The following TMEM132D variants were observed in gnomAD, a reference collection of about 807,000 sequenced individuals.
The protein encoded by TMEM132D is transmembrane protein 132D, also known as mature OL transmembrane protein.
TMEM132D carries 21 observed loss-of-function variants against 62.3 expected under a neutral mutation model. That is an observed-to-expected ratio of 0.34 (90% CI 0.24 to 0.49). TMEM132D has a LOEUF of 0.49. TMEM132D is among the 20% of genes least tolerant of loss of function. The probability of loss-of-function intolerance (pLI) is 0.99; values close to 1 mark genes in which losing one functional copy is unlikely to be tolerated. For missense variants in TMEM132D, 1,346 were observed against 1,402.8 expected, an observed-to-expected ratio of 0.96 and a Z score of 0.65; for synonymous variants, 621 against 575.6, an observed-to-expected ratio of 1.08 and a Z score of -1.13.
intron 3 of TMEM132D, among the ~76,000 whole-genome samples, chr12:129,459,628 G>A (rs766809566): frequency 7.2e-5 from 11 of 152,174 alleles, no homozygotes; most frequent in Non-Finnish European, 1.2e-4. Flanking sequence ...TTTAAGGGAT[G>A]TAAATATTTG....
intron 4 of TMEM132D, among the ~76,000 whole-genome samples, chr12:129,253,756 G>C (rs1330940592): frequency 6.6e-6 from 1 of 152,090 alleles, no homozygotes. Flanking sequence ...CATGGGGAGG[G>C]ACCTACTTTC....
intron 5 of TMEM132D, among the ~76,000 whole-genome samples, chr12:129,191,290 A>T (rs77484128): frequency 0.12 from 8,466 of 72,178 alleles, 321 homozygotes; most frequent in African/African-American, 0.21. Context: ...GAAGGGAAAT[A>T]GGACACACAC....
In TMEM132D at chr12:129,674,023, C is replaced by T. The variant is rs141719890; in HGVS notation, c.968+25787G>A. ...CCCCGCTGACAGTTTGCAGATGACA[C>T]ATGAAGACTGAAATCAGTGCCTCCC... On this transcript the variant is annotated intron_variant, in intron 2 of 8. Coordinates refer to ENST00000422113, the MANE Select transcript of TMEM132D (RefSeq NM_133448.3). Among the ~76,000 whole-genome samples the T allele has an allele frequency of 3.2e-3, 486 of 152,298 alleles. 4 individuals are homozygous for T. Among genetic ancestry groups the T allele is most frequent in the African/African-American group, 0.011 (462 of 41,574 alleles).
intron 5 of TMEM132D, among the ~76,000 whole-genome samples, chr12:129,177,592 T>C (rs568522881): frequency 6.6e-6 from 1 of 152,174 alleles, no homozygotes; most frequent in Admixed American, 6.5e-5. Context: ...ACCCCATCTC[T>C]ACAAAAAATG....
chr12:129,779,282 T>G lies in TMEM132D; in HGVS notation c.80-78584A>C, dbSNP rs918195826. On this transcript the variant is annotated intron_variant, in intron 1 of 8. Coordinates refer to ENST00000422113, the MANE Select transcript of TMEM132D (RefSeq NM_133448.3). This position sits in a 1 kb window ranked among gnomAD's most constrained non-coding sequence, Gnocchi z 4.1. The stretch of plus-strand genomic sequence containing the variant: ...ATGAAGCTTTTATTCCAGCTGGCCA[T>G]GTGCTCAGTGATTTTTGTTTGTTTG... Among the ~76,000 whole-genome samples, 4 of 152,196 alleles carry G rather than the reference T, an allele frequency of 2.6e-5. No homozygotes were observed. Among genetic ancestry groups the G allele is most frequent in the African/African-American group, 9.6e-5 (4 of 41,452 alleles).
intron 1 of TMEM132D, among the ~76,000 whole-genome samples, chr12:129,724,066 A>T (rs1471816301): frequency 6.6e-6 from 1 of 152,198 alleles, no homozygotes; most frequent in East Asian, 1.9e-4. Flanking sequence ...TAAGAAGGAG[A>T]CAGGAAAGTC....
At chr12:129,164,469 T>C (rs1457111609) in intron 5 of TMEM132D, among the ~76,000 whole-genome samples, 1 of 152,184 alleles carries the variant, frequency 6.6e-6, no homozygotes, top group African/African-American at 2.4e-5. Flanking sequence ...CAGTTTCTTG[T>C]AAAGTTAAAC....
At chr12:129,452,920 G>T (rs1873341771) in intron 3 of TMEM132D, among the ~76,000 whole-genome samples, 1 of 152,030 alleles carries the variant, frequency 6.6e-6, no homozygotes, top group African/African-American at 2.4e-5. Flanking sequence ...TAGATCAGGG[G>T]TCCCCAACCC....
rs186068331 is a variant in TMEM132D at position 129,552,796 on chromosome 12, G to T, written c.969-21591C>A. ...ATCTAGCTACGTACCTACCTATTACGTATCTATCTAGCATCTATCTACCGG... is the reference window on the plus strand; with the variant it reads ...ATCTAGCTACGTACCTACCTATTACTTATCTATCTAGCATCTATCTACCGG... On this transcript the variant is annotated intron_variant, in intron 2 of 8. Coordinates refer to ENST00000422113, the MANE Select transcript of TMEM132D (RefSeq NM_133448.3). Among the ~76,000 whole-genome samples the T allele has an allele frequency of 7.2e-5, 11 of 151,862 alleles. No homozygotes were observed. The South Asian group carries it at 2.3e-3, about 32-fold the overall frequency.
intron 3 of TMEM132D, among the ~76,000 whole-genome samples, chr12:129,517,499 G>T (rs1456755793): frequency 6.6e-6 from 1 of 152,146 alleles, no homozygotes; most frequent in African/African-American, 2.4e-5. Flanking sequence ...AGAAGCCAGG[G>T]CCATTCAGTG....
chr12:129,703,139 C>T (rs1420560915), intron 1 of TMEM132D, among the ~76,000 whole-genome samples: 2 of 152,190 alleles, frequency 1.3e-5, no homozygotes, highest in Admixed American at 6.5e-5. Flanking sequence ...CAAAGCCAGA[C>T]AACCAAATTA....
At position 129,903,399 on chromosome 12, in the gene TMEM132D, C is replaced by A. The variant is rs373799181; in HGVS notation, c.-60G>T. 2.1e-3 allele frequency: 3,201 copies of A among 1,522,954 alleles called. 6 individuals are homozygous for A. The highest frequency in any genetic ancestry group is 2.7e-3 in the Non-Finnish European group (3,003 of 1,122,224). 94.3% of individuals were successfully genotyped at this position (1,522,954 alleles called of 1,614,324 possible). A position where few individuals can be genotyped will look rare whatever the true frequency, so the allele number is the denominator to read the frequency against. On this transcript the variant is annotated 5_prime_UTR_variant, in exon 1 of 9. Coordinates refer to ENST00000422113, the MANE Select transcript of TMEM132D (RefSeq NM_133448.3). The surrounding 1 kb of genome is among the most constrained non-coding windows in gnomAD (Gnocchi z 6.2). ...GGCGCCGTCCAGGCGAACAAGAGACCGTCTCAGTCCCCTAGAGGCCCGCAG... is the reference window on the plus strand; with the variant it reads ...GGCGCCGTCCAGGCGAACAAGAGACAGTCTCAGTCCCCTAGAGGCCCGCAG...
intron 2 of TMEM132D, among the ~76,000 whole-genome samples, chr12:129,647,635 G>A (rs1879820573): frequency 6.6e-6 from 1 of 152,144 alleles, no homozygotes. Flanking sequence ...ATTGTGGAAT[G>A]GTATTGCTTA....
intron 3 of TMEM132D, among the ~76,000 whole-genome samples, chr12:129,464,316 G>A (rs1315338431): frequency 1.3e-5 from 2 of 152,050 alleles, no homozygotes; most frequent in Non-Finnish European, 2.9e-5. Context: ...ACTTTTTGAT[G>A]GGGTTGTTTT....
At position 129,238,996 on chromosome 12, in the gene TMEM132D, G is replaced by GGTTTTTTTTTTTTTTTTTTTTTTTT. The variant is rs374959544; in HGVS notation, c.1300-29334_1300-29333insAAAAAAAAAAAAAAAAAAAAAAAAC. 6.8e-5 allele frequency among the ~76,000 whole-genome samples: 9 copies of GGTTTTTTTTTTTTTTTTTTTTTTTT among 133,046 alleles called. 2 individuals carry two copies. The highest frequency in any genetic ancestry group is 2.3e-4 in the South Asian group (1 of 4,284). The allele number at this position is 133,046 out of a possible 152,430, so 87.3% of individuals were successfully genotyped here. A position where few individuals can be genotyped will look rare whatever the true frequency, so the allele number is the denominator to read the frequency against. On this transcript the variant is annotated intron_variant, in intron 4 of 8. Coordinates refer to ENST00000422113, the MANE Select transcript of TMEM132D (RefSeq NM_133448.3). ...TCCTCATCAACATTTGTTATTTTCTGTTTTTTTTTTTTTTTTGGACAGTAA... is the reference window on the plus strand; with the variant it reads ...TCCTCATCAACATTTGTTATTTTCTGGTTTTTTTTTTTTTTTTTTTTTTTTTTTTTTTTTTTTTTTTGGACAGTAA...
intron 1 of TMEM132D, among the ~76,000 whole-genome samples, chr12:129,720,850 C>G (rs1565961589): frequency 2.0e-5 from 3 of 152,226 alleles, no homozygotes; most frequent in African/African-American, 7.2e-5. Flanking sequence ...ATCAACTCAT[C>G]TAACAGAGAT....
At chr12:129,514,032 G>A (rs1287668014) in intron 3 of TMEM132D, among the ~76,000 whole-genome samples, 1 of 149,284 alleles carries the variant, frequency 6.7e-6, no homozygotes, top group East Asian at 2.0e-4. Context: ...GTGGAGACGG[G>A]GTTTCACTGT....
At chr12:129,089,227 T>C (rs371866121) in intron 5 of TMEM132D, among the ~76,000 whole-genome samples, 3 of 32,296 alleles carry the variant, frequency 9.3e-5, no homozygotes, top group Admixed American at 6.2e-4. Flanking sequence ...GGGTGTCCTC[T>C]ATGACCGGGT....
At chr12:129,117,957 C>G (rs1040137324) in intron 5 of TMEM132D, among the ~76,000 whole-genome samples, 1 of 152,212 alleles carries the variant, frequency 6.6e-6, no homozygotes, top group East Asian at 1.9e-4. Context: ...TGTGGTGACA[C>G]GTCAGCCCCT....
Sources: gnomAD v4.1 joint callset for allele counts (sites outside exome capture counted in the v4.1 genomes callset) on GRCh38, gnomAD v4.1.1 for gene constraint, Gnocchi (gnomAD v3.1) non-coding constraint, MANE v1.5 for transcripts, NCBI Gene and HGNC (gene_info 2026-07-23, HGNC 2026-07-21) for gene names.